Variants in SPECC1 observed in about 807,000 individuals in gnomAD.
SPECC1 encodes the protein sperm antigen with calponin homology and coiled-coil domains 1.
A neutral mutation model predicts 104.1 loss-of-function variants in SPECC1; 62 were observed. That is an observed-to-expected ratio of 0.60 (90% CI 0.49 to 0.74). The LOEUF is 0.74. SPECC1 is among the 30% of genes least tolerant of loss of function. The pLI, the probability that SPECC1 is intolerant of heterozygous loss-of-function variation, is 0.00. For missense variants in SPECC1, 1,306 were observed against 1,310.5 expected (o/e 1.00, Z 0.05); for synonymous variants, 513 against 501.6 (o/e 1.02, Z -0.30).
At chr17:20,291,327 G>T (rs1239235755) in intron 12 of SPECC1, among the ~76,000 whole-genome samples, 5 of 152,234 alleles carry the variant, frequency 3.3e-5, no homozygotes, top group Non-Finnish European at 7.3e-5. Flanking sequence ...TTTCAGCAGG[G>T]TCTGCTGGCA....
intron 12 of SPECC1, among the ~76,000 whole-genome samples, chr17:20,269,945 C>G (rs1023672544): frequency 6.6e-6 from 1 of 152,206 alleles, no homozygotes; most frequent in Non-Finnish European, 1.5e-5. Flanking sequence ...GAGTAAGGCA[C>G]TGACACAGGC....
intron 3 of SPECC1, among the ~76,000 whole-genome samples, chr17:20,193,962 G>GA (rs1372806551): frequency 6.6e-6 from 1 of 152,118 alleles, no homozygotes; most frequent in Non-Finnish European, 1.5e-5. Context: ...GAAACAAACT[G>GA]AAAAACAGAT....
At chr17:20,192,793 G>GTGAAGTTATGTGCTGTGATTTTGT (rs2035759183) in intron 3 of SPECC1, among the ~76,000 whole-genome samples, 1 of 152,150 alleles carries the variant, frequency 6.6e-6, no homozygotes, top group East Asian at 1.9e-4. Flanking sequence ...GCCCTGCAGA[G>GTGAAGTTATGTGCTGTGATTTTGT]TGAAGTTATG....
chr17:20,030,958 G>A (rs552787763), intron 1 of SPECC1, among the ~76,000 whole-genome samples: 7 of 152,108 alleles, frequency 4.6e-5, no homozygotes, highest in African/African-American at 9.6e-5. Context: ...CAGCAATCTC[G>A]TTTCCTGCTT....
Position 20,120,110 on chromosome 17 carries a change from G to A in SPECC1, c.283+9548G>A, listed in dbSNP as rs897193011. ...TGGGTTTTAAAATCTCAGTACTGCC[G>A]GGTGGGGTGGCTTATGCCTGTAATC... On this transcript the variant is annotated intron_variant, in intron 3 of 14. Coordinates refer to ENST00000395527, the MANE Select transcript of SPECC1 (RefSeq NM_001243439.2). 9.3e-4 allele frequency among the ~76,000 whole-genome samples: 142 copies of A among 152,300 alleles called. 1 individual carries two copies. The highest frequency in any genetic ancestry group is 2.9e-3 in the African/African-American group (119 of 41,570).
chr17:20,168,667 G>T (rs185644231), intron 3 of SPECC1, among the ~76,000 whole-genome samples: 193 of 152,286 alleles, frequency 1.3e-3, no homozygotes, highest in African/African-American at 4.5e-3. Flanking sequence ...GAATTCTCTT[G>T]TTAGAATAAC....
chr17:20,270,163 G>A (rs957364687), intron 12 of SPECC1, among the ~76,000 whole-genome samples: 7 of 152,084 alleles, frequency 4.6e-5, no homozygotes, highest in Admixed American at 1.3e-4. Flanking sequence ...TCTGTTGGGT[G>A]ATGAAAATGT....
chr17:20,177,440 C>A (rs1375514521), intron 3 of SPECC1, among the ~76,000 whole-genome samples: 1 of 152,070 alleles, frequency 6.6e-6, no homozygotes, highest in African/African-American at 2.4e-5. Context: ...AAAATAAAAT[C>A]ATTCAAAGCC....
chr17:20,206,480 CT>C (rs961100929), intron 4 of SPECC1, among the ~76,000 whole-genome samples: 6 of 152,256 alleles, frequency 3.9e-5, no homozygotes, highest in East Asian at 1.9e-4. Flanking sequence ...ATGTTATTAA[CT>C]TTTTTTGCAT....
intron 1 of SPECC1, among the ~76,000 whole-genome samples, chr17:20,040,914 C>T (rs1001342674): frequency 6.6e-6 from 1 of 152,144 alleles, no homozygotes; most frequent in Non-Finnish European, 1.5e-5. Context: ...GCTGTGCCAT[C>T]TTTGTCTCTT....
At chr17:20,191,294 A>T (rs2526494) in intron 3 of SPECC1, among the ~76,000 whole-genome samples, 1 of 152,190 alleles carries the variant, frequency 6.6e-6, no homozygotes, top group African/African-American at 2.4e-5. Flanking sequence ...CTTTTCTAGG[A>T]AACCACCAAA....
At chr17:20,221,624 G>T (rs1414965615) in intron 4 of SPECC1, among the ~76,000 whole-genome samples, 2 of 151,320 alleles carry the variant, frequency 1.3e-5, no homozygotes, top group African/African-American at 2.4e-5. Flanking sequence ...TTGATCTTTT[G>T]TATTTTTTTC....
At chr17:20,112,079 C>T (rs1017691460) in intron 3 of SPECC1, 7 of 766,114 alleles carry the variant, frequency 9.1e-6, no homozygotes, top group Non-Finnish European at 1.5e-5. Context: ...TGTCAGGATT[C>T]CACATAGACT....
chr17:20,131,885 G>C (rs1277229159), intron 3 of SPECC1, among the ~76,000 whole-genome samples: 1 of 152,088 alleles, frequency 6.6e-6, no homozygotes, highest in East Asian at 1.9e-4. Flanking sequence ...CCTGAGCTCA[G>C]GCAATCCCCG....
chr17:20,226,973 AC>A (rs1472790283), intron 4 of SPECC1, among the ~76,000 whole-genome samples: 1 of 152,088 alleles, frequency 6.6e-6, no homozygotes, highest in Non-Finnish European at 1.5e-5. Flanking sequence ...GGGTGGCCAC[AC>A]CAGGCAGCTC....
rs2042005482 is a variant in SPECC1 at position 20,314,317 on chromosome 17, C to T, written c.*252C>T. On this transcript the variant is annotated 3_prime_UTR_variant, in exon 15 of 15. Coordinates refer to ENST00000395527, the MANE Select transcript of SPECC1 (RefSeq NM_001243439.2). ...TCTTGTGGGATGCTTCTAAAGAGGG[C>T]AGCCTCCCTCCTTCCAGACCAAGAC... The T allele has an allele frequency of 4.0e-6, 2 of 496,998 alleles. No individual in the cohort carries two copies. The highest frequency in any genetic ancestry group is 3.2e-5 in the Admixed American group (1 of 31,668). The allele number at this position is 496,998 out of a possible 1,614,324, so 30.8% of individuals were successfully genotyped here.
intron 3 of SPECC1, among the ~76,000 whole-genome samples, chr17:20,190,810 T>A (rs1323536658): frequency 6.6e-6 from 1 of 152,134 alleles, no homozygotes; most frequent in Admixed American, 6.6e-5. Context: ...CCTCCCTCCC[T>A]TGGGGGTGGG....
chr17:20,236,864 C>T, intron 7 of SPECC1: 7 of 1,613,884 alleles, frequency 4.3e-6, no homozygotes, highest in Non-Finnish European at 5.9e-6. Context: ...TCACAGCTCC[C>T]TGGGCTCTGT....
At chr17:20,071,368 TTGTGTTTGTG>T (rs1383579344) in intron 1 of SPECC1, among the ~76,000 whole-genome samples, 2 of 134,428 alleles carry the variant, frequency 1.5e-5, no homozygotes, top group African/African-American at 2.6e-5. Context: ...TACAAGTGGT[TTGTGTTTGTG>T]TGTGTTTGTG....
Sources: gnomAD v4.1 joint callset for allele counts (sites outside exome capture counted in the v4.1 genomes callset) on GRCh38, gnomAD v4.1.1 for gene constraint, MANE v1.5 for transcripts, NCBI Gene and HGNC (gene_info 2026-07-23, HGNC 2026-07-21) for gene names.